The following SHANK2 variants were observed in gnomAD, a reference collection of about 807,000 sequenced individuals.
The protein encoded by SHANK2 is SH3 and multiple ankyrin repeat domains protein 2.
SHANK2 carries 43 observed loss-of-function variants against 133.7 expected under a neutral mutation model. The ratio of observed to expected loss-of-function variants is 0.32; its 90% confidence interval spans 0.25 to 0.41. The LOEUF is 0.41. Ranked by LOEUF, SHANK2 falls within the 10% of genes least tolerant of loss-of-function variation. The pLI, the probability that SHANK2 is intolerant of heterozygous loss-of-function variation, is 1.00. For synonymous variants in SHANK2, 1,017 were observed against 952.8 expected, an observed-to-expected ratio of 1.07 and a Z score of -1.24; for missense variants, 1,994 against 2,235.8, an observed-to-expected ratio of 0.89 and a Z score of 2.18.
At chr11:70,632,938 G>A (rs1322030094) in intron 17 of SHANK2, among the ~76,000 whole-genome samples, 3 of 152,036 alleles carry the variant, frequency 2.0e-5, no homozygotes, top group Non-Finnish European at 4.4e-5. Context: ...ATCCCAGTGA[G>A]CCCCTTGCAT....
At chr11:71,056,235 A>G (rs955684265) in intron 10 of SHANK2, among the ~76,000 whole-genome samples, 1 of 152,200 alleles carries the variant, frequency 6.6e-6, no homozygotes, top group Non-Finnish European at 1.5e-5. Flanking sequence ...TGACTGCTGC[A>G]TGCATTTCCA....
intron 3 of SHANK2, among the ~76,000 whole-genome samples, chr11:71,143,434 C>A (rs1281050173): frequency 6.6e-6 from 1 of 152,210 alleles, no homozygotes; most frequent in Admixed American, 6.5e-5. Context: ...TTTCAGCCTG[C>A]CCGATGCGCG....
chr11:70,599,813 G>A (rs898389532), intron 17 of SHANK2, among the ~76,000 whole-genome samples: 13 of 136,576 alleles, frequency 9.5e-5, no homozygotes, highest in Non-Finnish European at 1.9e-4. Context: ...AGAAAGAAGA[G>A]GGAGAAGGAA....
intron 11 of SHANK2, among the ~76,000 whole-genome samples, chr11:70,892,353 T>TGGGGG (rs1319003427): frequency 1.4e-4 from 20 of 147,760 alleles, no homozygotes; most frequent in African/African-American, 4.5e-4. Context: ...CCTCTAACTA[T>TGGGGG]GGTGGGGGGG....
intron 10 of SHANK2, among the ~76,000 whole-genome samples, chr11:70,942,357 G>T (rs1344033782): frequency 3.9e-5 from 6 of 152,090 alleles, no homozygotes; most frequent in African/African-American, 1.4e-4. Context: ...CACACCTGAG[G>T]GGTGTCCTGG....
intron 1 of SHANK2, among the ~76,000 whole-genome samples, chr11:71,234,664 C>T (rs1954801987): frequency 6.6e-6 from 1 of 152,134 alleles, no homozygotes; most frequent in Admixed American, 6.5e-5. Context: ...TGGAGCAGCC[C>T]ACCTTGCCTG....
intron 2 of SHANK2, among the ~76,000 whole-genome samples, chr11:71,151,111 C>T (rs1386552163): frequency 2.6e-5 from 4 of 152,138 alleles, no homozygotes; most frequent in African/African-American, 9.7e-5. Flanking sequence ...CACTGCCCCT[C>T]ACCATCCAGG....
In SHANK2 at chr11:71,093,057, G is replaced by T. The variant is rs192051353; in HGVS notation, c.745-468C>A. Reference sequence around the variant, plus strand: ...AGCTCAGTCTCAAAAATAAAGGGGGGGGGGGGCAGGTATAACTTTAGACAA... The same window carrying T: ...AGCTCAGTCTCAAAAATAAAGGGGGTGGGGGGCAGGTATAACTTTAGACAA... On this transcript the variant is annotated intron_variant, in intron 7 of 25. Coordinates refer to ENST00000601538, the MANE Select transcript of SHANK2 (RefSeq NM_012309.5). Among the ~76,000 whole-genome samples the T allele has an allele frequency of 1.1e-3, 160 of 145,470 alleles. 9 individuals carry two copies. The highest frequency in any genetic ancestry group is 3.9e-3 in the African/African-American group (156 of 40,078).
At chr11:70,672,060 C>CTTTTTT (rs201865483) in intron 15 of SHANK2, among the ~76,000 whole-genome samples, 12 of 120,972 alleles carry the variant, frequency 9.9e-5, no homozygotes, top group African/African-American at 3.0e-4. Flanking sequence ...CTTTTCTTTT[C>CTTTTTT]TTTTTCTTTT....
intron 14 of SHANK2, among the ~76,000 whole-genome samples, chr11:70,701,632 C>T (rs1450223845): frequency 6.6e-6 from 1 of 152,100 alleles, no homozygotes; most frequent in Non-Finnish European, 1.5e-5. Context: ...TCTCAATCTC[C>T]TGACCTCGTG....
At chr11:70,847,669 T>C (rs1299342537) in intron 11 of SHANK2, among the ~76,000 whole-genome samples, 2 of 152,188 alleles carry the variant, frequency 1.3e-5, no homozygotes, top group Non-Finnish European at 2.9e-5. Context: ...ATGCTCCCTC[T>C]CAATTCACTC....
At chr11:71,199,495 G>A (rs1264320176) in intron 2 of SHANK2, among the ~76,000 whole-genome samples, 3 of 152,238 alleles carry the variant, frequency 2.0e-5, no homozygotes, top group Admixed American at 1.3e-4. Context: ...GCCCCAGGAA[G>A]AGGCACTTCA....
intron 17 of SHANK2, among the ~76,000 whole-genome samples, chr11:70,540,437 C>T (rs1385348322): frequency 6.6e-6 from 1 of 152,064 alleles, no homozygotes; most frequent in African/African-American, 2.4e-5. Context: ...CCTGCGGAGT[C>T]GGAGTGATGA....
chr11:70,661,688 G>C lies in SHANK2; in HGVS notation c.1854-10C>G, dbSNP rs781984157. The C allele has an allele frequency of 6.2e-7, 1 of 1,614,042 alleles. No individual in the cohort carries two copies. The highest frequency in any genetic ancestry group is 1.1e-5 in the South Asian group (1 of 91,082). On this transcript the variant is annotated splice_polypyrimidine_tract_variant and intron_variant, in intron 15 of 25. Transcript: ENST00000601538. Reference sequence around the variant, plus strand: ...CTCAATAATGCAGTCACTGTAGAGAGAATTCCGGGGACAGCGACCATTATT... The same window carrying C: ...CTCAATAATGCAGTCACTGTAGAGACAATTCCGGGGACAGCGACCATTATT...
chr11:70,806,049 G>T (rs1028178536), intron 13 of SHANK2, among the ~76,000 whole-genome samples: 2 of 152,362 alleles, frequency 1.3e-5, no homozygotes, highest in East Asian at 1.9e-4. Context: ...TCAGTGTGTC[G>T]CGCAGAGAAA....
At chr11:71,234,025 C>A (rs970722248) in intron 1 of SHANK2, among the ~76,000 whole-genome samples, 2 of 150,810 alleles carry the variant, frequency 1.3e-5, no homozygotes, top group Non-Finnish European at 1.5e-5. Flanking sequence ...CCAGCCTGAG[C>A]AACAGAGCAA....
intron 13 of SHANK2, among the ~76,000 whole-genome samples, chr11:70,806,354 C>T (rs1441543775): frequency 6.6e-6 from 1 of 152,244 alleles, no homozygotes; most frequent in African/African-American, 2.4e-5. Flanking sequence ...TGCTGTGTGC[C>T]TCAGATGACA....
intron 11 of SHANK2, among the ~76,000 whole-genome samples, chr11:70,870,818 C>T (rs1398560628): frequency 6.6e-6 from 1 of 152,166 alleles, no homozygotes; most frequent in Non-Finnish European, 1.5e-5. Context: ...GCTGTGTCGC[C>T]CAGGCTGGAG....
Position 70,490,341 on chromosome 11 carries a change from G to A in SHANK2, c.2486C>T (p.Pro829Leu). Reference sequence around the variant, plus strand: ...CAGAAACGGGGCTTTTGGGCTCCCAGGAACAGTGGGCGTCATCACGGCGAT... The same window carrying A: ...CAGAAACGGGGCTTTTGGGCTCCCAAGAACAGTGGGCGTCATCACGGCGAT... ...QGIAVMTPTV[P>L]GSPKAPFLGI... is the part of the protein sequence containing the mutation. The change falls in exon 23 of 26, where the codon CCT becomes CTT. Residue 829 changes from proline (P) to leucine (L), a missense_variant. Transcript: ENST00000601538. 1.2e-6 allele frequency: 2 copies of A among 1,614,214 alleles called. No homozygotes were observed. The highest frequency in any genetic ancestry group is 1.7e-6 in the Non-Finnish European group (2 of 1,180,026).
Sources: gnomAD v4.1 joint callset for allele counts (sites outside exome capture counted in the v4.1 genomes callset) on GRCh38, gnomAD v4.1.1 for gene constraint, MANE v1.5 for transcripts, NCBI Gene and HGNC (gene_info 2026-07-23, HGNC 2026-07-21) for gene names.